Variants in TCP11L2 observed in about 807,000 individuals in gnomAD.
TCP11L2 encodes t-complex 11 like 2, also known as T-complex protein 11-like protein 2.
A neutral mutation model predicts 50.7 loss-of-function variants in TCP11L2; 39 were observed. That is an observed-to-expected ratio of 0.77 (90% confidence interval 0.60 to 1.01). The LOEUF (loss-of-function observed/expected upper bound fraction) is 1.01. Ranked by LOEUF, TCP11L2 falls within the 50% of genes least tolerant of loss-of-function variation. The pLI, the probability that TCP11L2 is intolerant of heterozygous loss-of-function variation, is 0.00. For missense variants in TCP11L2, 612 were observed against 614.7 expected (o/e 1.00, Z 0.05); for synonymous variants, 192 against 219.3 (o/e 0.88, Z 1.10).
Position 106,336,062 on chromosome 12 carries a change from G to A in TCP11L2, c.991G>A (p.Glu331Lys), listed in dbSNP as rs1274338497. Residue 331 changes from glutamate (E) to lysine (K), a missense_variant, in exon 8 of 10, where the codon GAA becomes AAA. Glu to Lys is a moderately conservative substitution (Grantham distance 56). Coordinates refer to ENST00000299045, the MANE Select transcript of TCP11L2 (RefSeq NM_152772.3). ...TATGACAGATGGAGCACGTCTTCAG[G>A]AACTAACAGAAAAGCTGAATCAATT... ...TLMTDGARLQ[E>K]LTEKLNQLKI... The A allele has an allele frequency of 1.9e-6, 3 of 1,613,522 alleles. No homozygotes were observed. The South Asian group carries it at 3.3e-5, about 18-fold the overall frequency.
chr12:106,328,078 A>G (rs2035619128), intron 6 of TCP11L2, among the ~76,000 whole-genome samples: 1 of 152,240 alleles, frequency 6.6e-6, no homozygotes, highest in South Asian at 2.1e-4. Flanking sequence ...ATTTCATGTT[A>G]TTCTTTAAAA....
chr12:106,323,591 C>A lies in TCP11L2; in HGVS notation c.717C>A (p.Arg239=). 6.2e-7 allele frequency: 1 copy of A among 1,606,474 alleles called. No individual in the cohort carries two copies. Among genetic ancestry groups the A allele is most frequent in the Non-Finnish European group, 8.5e-7 (1 of 1,176,486 alleles). The change falls in exon 6 of 10, where the codon CGC becomes CGA. Residue 239 remains arginine, a synonymous_variant. Transcript: ENST00000299045. ...TGAGTCTCAGACCGCACCTTCAACG[C>A]CAGTTGGTGGAATATGAGAGAACCA... ...TIMSLRPHLQ[R]QLVEYERTKF...
intron 8 of TCP11L2, among the ~76,000 whole-genome samples, chr12:106,336,936 T>G (rs958206022): frequency 2.0e-5 from 3 of 152,250 alleles, no homozygotes; most frequent in African/African-American, 7.2e-5. Context: ...CTGACAATTC[T>G]GCCCTTCAGA....
At chr12:106,311,296 G>GAA (rs1470305167) in intron 2 of TCP11L2, 64 bp downstream of exon 2, 12 of 1,559,398 alleles carry the variant, frequency 7.7e-6, no homozygotes, top group Non-Finnish European at 9.6e-6. Context: ...TGTTGGATTT[G>GAA]AAAACTCAGA....
At chr12:106,341,385 C>A (rs2036090537) in intron 9 of TCP11L2, among the ~76,000 whole-genome samples, 3 of 152,166 alleles carry the variant, frequency 2.0e-5, no homozygotes. Context: ...GAGACAAAGA[C>A]TAAAAATGTG....
chr12:106,328,527 G>C (rs2035635254), intron 6 of TCP11L2, among the ~76,000 whole-genome samples: 1 of 152,226 alleles, frequency 6.6e-6, no homozygotes, highest in Non-Finnish European at 1.5e-5. Flanking sequence ...CTGGGCGACA[G>C]AGCAAGTGTC....
In TCP11L2 at chr12:106,346,677, C is replaced by T; in HGVS notation, c.*147C>T. Reference sequence around the variant, plus strand: ...TGTGTAATGGGTAATATTAGCATTACAGAAGACACACACATCACATAGACC... The same window carrying T: ...TGTGTAATGGGTAATATTAGCATTATAGAAGACACACACATCACATAGACC... On this transcript the variant is annotated 3_prime_UTR_variant, in exon 10 of 10. Transcript: ENST00000299045. 2 of 933,224 alleles carry T rather than the reference C, an allele frequency of 2.1e-6. No individual in the cohort carries two copies. Among genetic ancestry groups the T allele is most frequent in the Non-Finnish European group, 3.1e-6 (2 of 647,956 alleles). 57.8% of individuals were successfully genotyped at this position (933,224 alleles called of 1,614,324 possible).
chr12:106,343,506 G>A lies in TCP11L2; in HGVS notation c.1315+2508G>A, dbSNP rs574671886. 3.3e-5 allele frequency among the ~76,000 whole-genome samples: 5 copies of A among 152,148 alleles called. No individual in the cohort carries two copies. In the South Asian group the frequency reaches 8.3e-4, roughly 25 times the overall value. On this transcript the variant is annotated intron_variant, in intron 9 of 9. Coordinates refer to ENST00000299045, the MANE Select transcript of TCP11L2 (RefSeq NM_152772.3). ...GCTTTCTTTTGTTCTCAGTTGATGC[G>A]CTATTTATTTACTGAAGGGATCATA...
chr12:106,304,018 A>G (rs1372101993), intron 1 of TCP11L2: 1 of 152,268 alleles, frequency 6.6e-6, no homozygotes, highest in Non-Finnish European at 1.5e-5. Flanking sequence ...TTACCTGCCA[A>G]CGGATAATGA....
intron 5 of TCP11L2, 22 bp downstream of exon 5, chr12:106,321,728 A>G: frequency 1.2e-6 from 2 of 1,604,868 alleles, no homozygotes; most frequent in East Asian, 4.5e-5. Context: ...TGCTGTTTGC[A>G]TTTCCTAGAG....
At chr12:106,323,681 T>A in intron 6 of TCP11L2, 35 bp downstream of exon 6, 1 of 1,163,658 alleles carries the variant, frequency 8.6e-7, no homozygotes, top group Non-Finnish European at 1.2e-6. Flanking sequence ...ATATTGAAAT[T>A]AGGTTAAAAT....
chr12:106,333,634 T>C (rs1215793960), intron 6 of TCP11L2, among the ~76,000 whole-genome samples: 1 of 152,166 alleles, frequency 6.6e-6, no homozygotes, highest in Non-Finnish European at 1.5e-5. Context: ...ATTTATTATG[T>C]CTGTAAATAT....
At chr12:106,334,128 C>T (rs2035833053) in intron 6 of TCP11L2, among the ~76,000 whole-genome samples, 1 of 152,154 alleles carries the variant, frequency 6.6e-6, no homozygotes, top group East Asian at 1.9e-4. Flanking sequence ...CACCTGTCTT[C>T]TCAACCCAAG....
At chr12:106,306,690 G>A (rs990378191) in intron 1 of TCP11L2, among the ~76,000 whole-genome samples, 1 of 151,978 alleles carries the variant, frequency 6.6e-6, no homozygotes, top group Non-Finnish European at 1.5e-5. Context: ...TAAAATAATA[G>A]TTGACATCCG....
intron 4 of TCP11L2, among the ~76,000 whole-genome samples, chr12:106,319,944 G>T (rs1454082615): frequency 6.6e-6 from 1 of 152,122 alleles, no homozygotes; most frequent in Non-Finnish European, 1.5e-5. Context: ...CGACCCCATG[G>T]GATATTTTCA....
rs145562145 is a variant in TCP11L2 at position 106,319,501 on chromosome 12, C to T, written c.414+1037C>T. ...TAGCGTGAAGGCTGGAAAAATAGTG[C>T]CATGGACACAGCTTAGGGTGATGCT... On this transcript the variant is annotated intron_variant, in intron 4 of 9. Transcript: ENST00000299045. 3.1e-3 allele frequency among the ~76,000 whole-genome samples: 465 copies of T among 152,320 alleles called. 4 individuals are homozygous for T. The highest frequency in any genetic ancestry group is 0.011 in the African/African-American group (442 of 41,568).
At chr12:106,332,505 A>T (rs1409826429) in intron 6 of TCP11L2, among the ~76,000 whole-genome samples, 1 of 152,232 alleles carries the variant, frequency 6.6e-6, no homozygotes, top group Non-Finnish European at 1.5e-5. Flanking sequence ...TACAACTTGG[A>T]TGGATGCTTA....
At chr12:106,336,615 C>T (rs1485079232) in intron 8 of TCP11L2, among the ~76,000 whole-genome samples, 2 of 143,372 alleles carry the variant, frequency 1.4e-5, no homozygotes, top group African/African-American at 5.2e-5. Context: ...TGCAGTGGCG[C>T]AATCTCAGCT....
At position 106,318,348 on chromosome 12, in the gene TCP11L2, G is replaced by A; in HGVS notation, c.298G>A (p.Ala100Thr). The A allele has an allele frequency of 6.2e-7, 1 of 1,612,344 alleles. No homozygotes were observed. Among genetic ancestry groups the A allele is most frequent in the Non-Finnish European group, 8.5e-7 (1 of 1,178,996 alleles). The stretch of plus-strand genomic sequence containing the variant: ...CAATTCATTTTATTGCCATAGTTTG[G>A]CTGGTCGAGTGAAGCACATTGTTCA... ...KQEALPEKSL[A>T]GRVKHIVHQA... Residue 100 changes from alanine to threonine, a missense_variant, in exon 4 of 10, where the codon GCT becomes ACT. By Grantham distance (58) the Ala-to-Thr change is moderately conservative (BLOSUM62 0). Coordinates refer to ENST00000299045, the MANE Select transcript of TCP11L2 (RefSeq NM_152772.3).
Sources: allele counts gnomAD v4.1 joint callset (sites outside exome capture counted in the v4.1 genomes callset), GRCh38; gene constraint gnomAD v4.1.1; transcripts MANE v1.5; gene names NCBI Gene and HGNC (gene_info 2026-07-23, HGNC 2026-07-21).